DGKB: variants seen among roughly 807,000 people sequenced by gnomAD.
DGKB encodes diacylglycerol kinase beta.
Under a neutral mutation model 114.3 loss-of-function variants are expected in DGKB, and 67 were observed. The observed-to-expected ratio is 0.59, with a 90% CI of 0.48 to 0.72. DGKB has a LOEUF of 0.72. Ranked by LOEUF, DGKB falls within the 30% of genes least tolerant of loss-of-function variation. DGKB has a pLI of 0.00. For missense variants in DGKB, 907 were observed against 975.2 expected (o/e 0.93, Z 0.93); for synonymous variants, 398 against 323.1 (o/e 1.23, Z -2.49).
intron 2 of DGKB, among the ~76,000 whole-genome samples, chr7:14,819,081 T>C (rs1844552789): frequency 6.6e-6 from 1 of 152,206 alleles, no homozygotes; most frequent in African/African-American, 2.4e-5. Context: ...TCTCTTAGTC[T>C]ACGCCCTGTC....
chr7:14,933,312 A>G (rs1240257659), intron 1 of DGKB, among the ~76,000 whole-genome samples: 2 of 152,164 alleles, frequency 1.3e-5, no homozygotes, highest in African/African-American at 4.8e-5. Flanking sequence ...GCTGGTGGAC[A>G]TGTCCTATTC....
intron 23 of DGKB, among the ~76,000 whole-genome samples, chr7:14,201,274 A>C (rs1276536535): frequency 7.0e-6 from 1 of 143,158 alleles, no homozygotes; most frequent in South Asian, 2.1e-4. Context: ...TCATAACTTA[A>C]TCAACTCCCA....
intron 2 of DGKB, among the ~76,000 whole-genome samples, chr7:14,790,993 A>T (rs567562246): frequency 1.2e-4 from 19 of 152,120 alleles, no homozygotes; most frequent in Middle Eastern, 3.4e-3. Flanking sequence ...TCAGATTTTT[A>T]AAAATTTTTT....
chr7:14,787,909 GA>G (rs1176138520), intron 2 of DGKB, among the ~76,000 whole-genome samples: 1 of 151,892 alleles, frequency 6.6e-6, no homozygotes, highest in African/African-American at 2.4e-5. Flanking sequence ...CAAAGAGGAG[GA>G]AACTCCCTCT....
intron 15 of DGKB, among the ~76,000 whole-genome samples, chr7:14,617,817 C>T (rs113923528): frequency 2.8e-4 from 42 of 151,758 alleles, no homozygotes; most frequent in African/African-American, 9.9e-4. Flanking sequence ...CCAACTGCTT[C>T]ATCTCTTTTA....
At chr7:14,792,005 T>C (rs1274801079) in intron 2 of DGKB, among the ~76,000 whole-genome samples, 1 of 152,150 alleles carries the variant, frequency 6.6e-6, no homozygotes, top group Non-Finnish European at 1.5e-5. Context: ...TTCCCTTCCC[T>C]TCTATTAATT....
intron 17 of DGKB, among the ~76,000 whole-genome samples, chr7:14,586,417 G>T (rs1412916193): frequency 6.6e-6 from 1 of 152,046 alleles, no homozygotes; most frequent in Non-Finnish European, 1.5e-5. Flanking sequence ...AGCAGATGTT[G>T]GTTCTTGAAG....
chr7:14,841,507 A>T (rs1246311343), intron 1 of DGKB, 57 bp from the exon 2 acceptor site: 1 of 373,248 alleles, frequency 2.7e-6, no homozygotes, highest in Non-Finnish European at 4.8e-6. Context: ...CACAAAGGAA[A>T]AAAATGTCAA....
rs192617017 is a variant in DGKB at position 14,776,290 on chromosome 7, T to A, written c.71-18559A>T. On this transcript the variant is annotated intron_variant, in intron 2 of 25. Coordinates refer to ENST00000402815, the MANE Select transcript of DGKB (RefSeq NM_001350709.2). Reference sequence around the variant, plus strand: ...GATAAAAAAATAAAAATCCATTTTTTGGGGAGAAATACAAGCCAGCAGCAG... The same window carrying A: ...GATAAAAAAATAAAAATCCATTTTTAGGGGAGAAATACAAGCCAGCAGCAG... Among the ~76,000 whole-genome samples, 1,193 of 152,310 alleles carry A rather than the reference T, an allele frequency of 7.8e-3. 6 individuals carry two copies. The highest frequency in any genetic ancestry group is 0.013 in the Non-Finnish European group (856 of 68,024).
chr7:14,513,585 A>T (rs1563368696), intron 20 of DGKB, among the ~76,000 whole-genome samples: 2 of 151,998 alleles, frequency 1.3e-5, no homozygotes, highest in Admixed American at 6.6e-5. Context: ...TTAAAACAAA[A>T]TTTTTTAATA....
At chr7:14,613,703 A>G (rs1806008524) in intron 15 of DGKB, among the ~76,000 whole-genome samples, 1 of 151,422 alleles carries the variant, frequency 6.6e-6, no homozygotes, top group Admixed American at 6.6e-5. Context: ...TTCCTGTAAG[A>G]TAAAAAAAAA....
At chr7:14,915,135 G>T (rs1467103929) in intron 1 of DGKB, among the ~76,000 whole-genome samples, 2 of 152,172 alleles carry the variant, frequency 1.3e-5, no homozygotes, top group Non-Finnish European at 2.9e-5. Context: ...GGGAGGCTAT[G>T]TTGAGAGAAT....
At chr7:14,267,625 A>T (rs1435632508) in intron 23 of DGKB, among the ~76,000 whole-genome samples, 1 of 151,840 alleles carries the variant, frequency 6.6e-6, no homozygotes, top group East Asian at 1.9e-4. Flanking sequence ...AGTAGCTGGG[A>T]CTACAGGCAT....
chr7:14,334,130 A>G (rs963459677), intron 23 of DGKB, among the ~76,000 whole-genome samples: 39 of 152,080 alleles, frequency 2.6e-4, no homozygotes, highest in African/African-American at 9.4e-4. Context: ...TTTCATGTCC[A>G]CTGATTGCCA....
chr7:14,228,397 T>G lies in DGKB; in HGVS notation c.2123-50246A>C, dbSNP rs575232184. ...TGTTATTTTAGTTGCTGTAACTTTC[T>G]GAAGTGTCCTATCTATTGTGAATGG... On this transcript the variant is annotated intron_variant, in intron 23 of 25. Transcript: ENST00000402815. 8.5e-5 allele frequency among the ~76,000 whole-genome samples: 13 copies of G among 152,172 alleles called. No homozygotes were observed. In the South Asian group the frequency reaches 2.5e-3, roughly 29 times the overall value.
chr7:14,856,036 C>G (rs900731975), intron 1 of DGKB, among the ~76,000 whole-genome samples: 5 of 147,148 alleles, frequency 3.4e-5, no homozygotes, highest in Non-Finnish European at 6.0e-5. Context: ...TAACATACTC[C>G]TAAACCTCTA....
At chr7:14,483,648 T>C (rs1214588557) in intron 20 of DGKB, among the ~76,000 whole-genome samples, 1 of 152,168 alleles carries the variant, frequency 6.6e-6, no homozygotes, top group Non-Finnish European at 1.5e-5. Flanking sequence ...TAAAGGTTTT[T>C]GAAAATATGA....
chr7:14,201,281 C>T (rs1382326587), intron 23 of DGKB, among the ~76,000 whole-genome samples: 3 of 151,838 alleles, frequency 2.0e-5, no homozygotes, highest in Non-Finnish European at 4.4e-5. Flanking sequence ...TTAATCAACT[C>T]CCAAAGGTCT....
chr7:14,180,543 G>C (rs1319260956), intron 23 of DGKB, among the ~76,000 whole-genome samples: 2 of 152,148 alleles, frequency 1.3e-5, no homozygotes, highest in African/African-American at 4.8e-5. Flanking sequence ...TATAGGAATA[G>C]TGCCATCTTT....
Sources: gnomAD v4.1 joint callset for allele counts (sites outside exome capture counted in the v4.1 genomes callset) on GRCh38, gnomAD v4.1.1 for gene constraint, MANE v1.5 for transcripts, NCBI Gene and HGNC (gene_info 2026-07-23, HGNC 2026-07-21) for gene names.